Variants in ALDH1A2 observed in about 807,000 individuals in gnomAD.
The protein encoded by ALDH1A2 is retinal dehydrogenase 2.
In ALDH1A2, 27 loss-of-function variants were observed where a neutral mutation model predicts 60.3. The observed-to-expected ratio is 0.45, with a 90% CI of 0.33 to 0.62. The LOEUF (loss-of-function observed/expected upper bound fraction) is 0.62. Among genes scored for constraint, ALDH1A2 ranks in the 20% least tolerant of loss-of-function variants. The pLI, the probability that ALDH1A2 is intolerant of heterozygous loss-of-function variation, is 0.02. For synonymous variants in ALDH1A2, 289 were observed against 232.4 expected, an observed-to-expected ratio of 1.24 and a Z score of -2.21; for missense variants, 581 against 643.8, an observed-to-expected ratio of 0.90 and a Z score of 1.06.
chr15:57,978,989 C>G (rs1894379377), intron 7 of ALDH1A2, among the ~76,000 whole-genome samples: 2 of 152,136 alleles, frequency 1.3e-5, no homozygotes, highest in African/African-American at 2.4e-5. Flanking sequence ...GAGCCAAGAT[C>G]ATGCCACTGC....
intron 7 of ALDH1A2, among the ~76,000 whole-genome samples, chr15:57,984,012 GCAC>G: frequency 6.6e-6 from 1 of 152,352 alleles, no homozygotes; most frequent in South Asian, 2.1e-4. Flanking sequence ...TAAGCATGCT[GCAC>G]TGAGAAATTA....
At chr15:58,048,355 CAGTT>C (rs754572691) in intron 1 of ALDH1A2, among the ~76,000 whole-genome samples, 2 of 152,166 alleles carry the variant, frequency 1.3e-5, no homozygotes, top group South Asian at 2.1e-4. Flanking sequence ...AGGACATTAA[CAGTT>C]AGGTAGCCAA....
At chr15:58,005,128 T>A (rs1895406976) in intron 4 of ALDH1A2, among the ~76,000 whole-genome samples, 1 of 151,826 alleles carries the variant, frequency 6.6e-6, no homozygotes. Flanking sequence ...ATCCACTAAC[T>A]CATGGTACTC....
intron 7 of ALDH1A2, among the ~76,000 whole-genome samples, chr15:57,968,390 C>CT (rs1387034446): frequency 1.3e-5 from 2 of 152,192 alleles, no homozygotes; most frequent in Admixed American, 1.3e-4. Context: ...TGGTTCATGA[C>CT]AGAACCTGTT....
chr15:57,976,232 A>T (rs1467699843), intron 7 of ALDH1A2, among the ~76,000 whole-genome samples: 1 of 152,242 alleles, frequency 6.6e-6, no homozygotes, highest in Admixed American at 6.5e-5. Context: ...TCTAGGCCAC[A>T]GCAAGAAATC....
intron 5 of ALDH1A2, 85 bp downstream of exon 5, chr15:57,994,993 A>G: frequency 3.9e-6 from 5 of 1,298,298 alleles, no homozygotes; most frequent in Non-Finnish European, 5.6e-6. Flanking sequence ...TGGAAAACAC[A>G]CATCGCTGAG....
At position 57,954,963 on chromosome 15, in the gene ALDH1A2, A is replaced by T; in HGVS notation, c.*234T>A. On this transcript the variant is annotated 3_prime_UTR_variant, in exon 13 of 13. Transcript: ENST00000249750. ...TCTGCTAGCTCCTCCTCCTCCCTTT[A>T]TCCCACTTTCCCCAATATTTGGTAT... is the stretch of plus-strand genomic sequence containing the variant. 1 of 592,898 alleles carries T rather than the reference A, an allele frequency of 1.7e-6. No individual in the cohort carries two copies. The highest frequency in any genetic ancestry group is 3.0e-6 in the Non-Finnish European group (1 of 331,086). 36.7% of individuals were successfully genotyped at this position (592,898 alleles called of 1,614,324 possible). A position where few individuals can be genotyped will look rare whatever the true frequency, so the allele number is the denominator to read the frequency against.
At chr15:58,032,609 C>G (rs772100937) in intron 1 of ALDH1A2, among the ~76,000 whole-genome samples, 26 of 152,014 alleles carry the variant, frequency 1.7e-4, no homozygotes, top group Non-Finnish European at 3.1e-4. Context: ...CTATGGAAAA[C>G]AGTGTATGTG....
At chr15:58,054,335 G>A (rs35824163) in intron 1 of ALDH1A2, among the ~76,000 whole-genome samples, 3,349 of 152,168 alleles carry the variant, frequency 0.022, 132 homozygotes, top group African/African-American at 0.075. Flanking sequence ...TGCAAGATCT[G>A]GCTTAAAGGA....
At chr15:58,013,747 G>A (rs779387655) in intron 3 of ALDH1A2, 111 bp downstream of exon 3, 44 of 1,412,008 alleles carry the variant, frequency 3.1e-5, no homozygotes, top group African/African-American at 4.4e-5. Flanking sequence ...GCTAGACTCC[G>A]TCTCAAAAAA....
chr15:58,009,746 G>T lies in ALDH1A2; in HGVS notation c.493+903C>A, dbSNP rs371612807. On this transcript the variant is annotated intron_variant, in intron 4 of 12. Transcript: ENST00000249750. Reference sequence around the variant, plus strand: ...TACAAGCCTAGGTTCTAACGTCAAAGTTTTAGCTCTAAAACTTATTTACTC... The same window carrying T: ...TACAAGCCTAGGTTCTAACGTCAAATTTTTAGCTCTAAAACTTATTTACTC... Among the ~76,000 whole-genome samples, 27 of 151,962 alleles carry T rather than the reference G, an allele frequency of 1.8e-4. No individual in the cohort carries two copies. The East Asian group carries it at 5.2e-3, about 29-fold the overall frequency.
chr15:57,954,546 T>G lies in ALDH1A2; in HGVS notation c.*651A>C. The G allele has an allele frequency of 6.3e-6, 1 of 157,506 alleles. No homozygotes were observed. Among genetic ancestry groups the G allele is most frequent in the Admixed American group, 6.0e-5 (1 of 16,620 alleles). The allele number at this position is 157,506 out of a possible 1,614,324, so 9.8% of individuals were successfully genotyped here. A position where few individuals can be genotyped will look rare whatever the true frequency, so the allele number is the denominator to read the frequency against. On this transcript the variant is annotated 3_prime_UTR_variant, in exon 13 of 13. Transcript: ENST00000249750. Reference sequence around the variant, plus strand: ...TCCCAATCTTTTTTCATTCATGTTATTTATGGGTAAAAGAAAACCAGATTG... The same window carrying G: ...TCCCAATCTTTTTTCATTCATGTTAGTTATGGGTAAAAGAAAACCAGATTG...
chr15:57,983,002 GTTGT>G (rs1217301318), intron 7 of ALDH1A2, among the ~76,000 whole-genome samples: 6 of 152,178 alleles, frequency 3.9e-5, no homozygotes, highest in African/African-American at 1.2e-4. Context: ...TTAGGGATGT[GTTGT>G]TTGTTTTTAT....
At chr15:58,014,577 C>G (rs1313510495) in intron 1 of ALDH1A2, 1 of 480,366 alleles carries the variant, frequency 2.1e-6, no homozygotes, top group Non-Finnish European at 4.1e-6. Context: ...TACACTGATG[C>G]TAAGGCAAGA....
At chr15:58,042,122 A>G (rs1451303710) in intron 1 of ALDH1A2, among the ~76,000 whole-genome samples, 1 of 151,938 alleles carries the variant, frequency 6.6e-6, no homozygotes, top group Non-Finnish European at 1.5e-5. Flanking sequence ...AAAACTACCA[A>G]TTTCTAAACA....
At chr15:57,989,747 A>ATTGT (rs1894831342) in intron 7 of ALDH1A2, among the ~76,000 whole-genome samples, 1 of 152,208 alleles carries the variant, frequency 6.6e-6, no homozygotes, top group Non-Finnish European at 1.5e-5. Context: ...TGTTTAATAA[A>ATTGT]TTGTTTTGAA....
intron 7 of ALDH1A2, among the ~76,000 whole-genome samples, chr15:57,977,881 G>T (rs532334537): frequency 6.6e-6 from 1 of 152,244 alleles, no homozygotes; most frequent in African/African-American, 2.4e-5. Flanking sequence ...CTTGAGGAGT[G>T]GTTTATAGTT....
At chr15:58,051,256 T>G (rs753969117) in intron 1 of ALDH1A2, among the ~76,000 whole-genome samples, 10 of 152,164 alleles carry the variant, frequency 6.6e-5, no homozygotes, top group Non-Finnish European at 1.3e-4. Context: ...TAAACTGTGA[T>G]GATAAACTAA....
At chr15:58,036,803 G>A (rs1359649173) in intron 1 of ALDH1A2, 1 of 151,720 alleles carries the variant, frequency 6.6e-6, no homozygotes. Context: ...GATAAGCAGT[G>A]AAGGAGTTTG....
Sources: gnomAD v4.1 joint callset for allele counts (sites outside exome capture counted in the v4.1 genomes callset) on GRCh38, gnomAD v4.1.1 for gene constraint, MANE v1.5 for transcripts, NCBI Gene and HGNC (gene_info 2026-07-23, HGNC 2026-07-21) for gene names.